Variants in PPP1R26 observed in about 807,000 individuals in gnomAD.
PPP1R26 encodes protein phosphatase 1 regulatory subunit 26.
In PPP1R26, 22 loss-of-function variants were observed where a neutral mutation model predicts 67.6. That is an observed-to-expected ratio of 0.33 (90% CI 0.23 to 0.46). The LOEUF is 0.46. PPP1R26 is among the 20% of genes least tolerant of loss of function. The pLI is 1.00. For missense variants in PPP1R26, 1,602 were observed against 1,651.4 expected (o/e 0.97, Z 0.52); for synonymous variants, 729 against 717.2 (o/e 1.02, Z -0.26).
At position 135,486,886 on chromosome 9, in the gene PPP1R26, G is replaced by A. The variant is rs773409098; in HGVS notation, c.2376G>A (p.Leu792=). 1 of 1,612,628 alleles carries A rather than the reference G, an allele frequency of 6.2e-7. No individual in the cohort carries two copies. Among genetic ancestry groups the A allele is most frequent in the Non-Finnish European group, 8.5e-7 (1 of 1,179,862 alleles). ...QEGAASQDAA[L]AFRVRRPASA... ...GTGCCGCGAGCCAGGACGCGGCCCT[G>A]GCCTTCCGGGTGAGGAGACCCGCCT... Residue 792 remains leucine, a synonymous_variant, in exon 4 of 4, where the codon CTG becomes CTA. Coordinates refer to ENST00000356818, the MANE Select transcript of PPP1R26 (RefSeq NM_014811.5). This position sits in a 1 kb window ranked among gnomAD's most constrained non-coding sequence, Gnocchi z 6.2.
Position 135,487,909 on chromosome 9 carries a change from A to G in PPP1R26, c.3399A>G (p.Pro1133=). The part of the protein sequence containing the change: ...QAGPSPVFGS[P]HLLAKKDGGP... ...GACCCAGCCCTGTCTTTGGAAGCCC[A>G]CACTTGCTGGCAAAGAAGGACGGCG... Residue 1133 remains proline (P), a synonymous_variant, in exon 4 of 4, where the codon CCA becomes CCG. Transcript: ENST00000356818. 6.3e-7 allele frequency: 1 copy of G among 1,575,574 alleles called. No individual in the cohort carries two copies. The highest frequency in any genetic ancestry group is 8.6e-7 in the Non-Finnish European group (1 of 1,161,984).
At chr9:135,480,845 G>C (rs1751382863) in intron 1 of PPP1R26, 1 of 152,504 alleles carries the variant, frequency 6.6e-6, no homozygotes, top group Non-Finnish European at 1.5e-5. Flanking sequence ...CCTGCACCGG[G>C]GCTCCTCTCC....
Position 135,484,966 on chromosome 9 carries a change from C to A in PPP1R26, c.456C>A (p.Ala152=), listed in dbSNP as rs1289732839. The A allele has an allele frequency of 6.3e-7, 1 of 1,577,874 alleles. No homozygotes were observed. Among genetic ancestry groups the A allele is most frequent in the East Asian group, 2.2e-5 (1 of 44,542 alleles). Residue 152 remains alanine (A), a synonymous_variant, in exon 4 of 4, where the codon GCC becomes GCA. Coordinates refer to ENST00000356818, the MANE Select transcript of PPP1R26 (RefSeq NM_014811.5). The part of the protein sequence containing the change: ...KAKSGAAQPG[A]GGAQPGAAQP... ...AGAGTGGAGCCGCACAGCCCGGGGC[C>A]GGCGGGGCCCAGCCAGGTGCAGCCC...
rs778889304 is a variant in PPP1R26, at chr9:135,487,916, C to A, written c.3406C>A (p.Leu1136Met). ...PSPVFGSPHL[L>M]AKKDGGPWPT... Reference sequence around the variant, plus strand: ...CCCTGTCTTTGGAAGCCCACACTTGCTGGCAAAGAAGGACGGCGGCCCCTG... The same window carrying A: ...CCCTGTCTTTGGAAGCCCACACTTGATGGCAAAGAAGGACGGCGGCCCCTG... The change falls in exon 4 of 4, where the codon CTG becomes ATG. Residue 1136 changes from leucine to methionine, a missense_variant. Leu to Met is a conservative substitution (Grantham distance 15). This residue lies in a region of PPP1R26 where 740 missense variants were observed against 696.3 expected (regional missense o/e 1.06). Transcript: ENST00000356818. The A allele has an allele frequency of 6.3e-7, 1 of 1,575,968 alleles. No individual in the cohort carries two copies. The highest frequency in any genetic ancestry group is 8.6e-7 in the Non-Finnish European group (1 of 1,162,088).
rs139225850 is a variant in PPP1R26, at chr9:135,484,603, C to T, written c.93C>T (p.Phe31=). Residue 31 remains phenylalanine (F), a synonymous_variant, in exon 4 of 4, where the codon TTC becomes TTT. Transcript: ENST00000356818. The stretch of plus-strand genomic sequence containing the variant: ...GGAGCTGTAGGTTCCCCAGGTGCTT[C>T]TCGGAGGCTGACGAGGGCGTGGAGA... ...PPGSCRFPRC[F]SEADEGVESA... is the part of the protein sequence containing the mutation. 6.2e-7 allele frequency: 1 copy of T among 1,612,616 alleles called. No individual in the cohort carries two copies. The highest frequency in any genetic ancestry group is 8.5e-7 in the Non-Finnish European group (1 of 1,180,030).
chr9:135,484,966 C>T lies in PPP1R26; in HGVS notation c.456C>T (p.Ala152=), dbSNP rs1289732839. The T allele has an allele frequency of 6.3e-6, 10 of 1,577,756 alleles. No individual in the cohort carries two copies. The highest frequency in any genetic ancestry group is 1.4e-5 in the African/African-American group (1 of 74,060). The stretch of plus-strand genomic sequence containing the variant: ...AGAGTGGAGCCGCACAGCCCGGGGC[C>T]GGCGGGGCCCAGCCAGGTGCAGCCC... ...KAKSGAAQPG[A]GGAQPGAAQP... Residue 152 remains alanine (A), a synonymous_variant, in exon 4 of 4, where the codon GCC becomes GCT. Coordinates refer to ENST00000356818, the MANE Select transcript of PPP1R26 (RefSeq NM_014811.5).
Position 135,485,782 on chromosome 9 carries a change from C to A in PPP1R26, c.1272C>A (p.Ser424Arg). The change falls in exon 4 of 4, where the codon AGC becomes AGA. Residue 424 changes from serine (S) to arginine (R), a missense_variant. By Grantham distance (110) the Ser-to-Arg change is moderately radical. Around this residue, in one of 5 missense-constraint regions of PPP1R26, gnomAD observed 680 missense variants for 726.1 expected, o/e 0.94. Coordinates refer to ENST00000356818, the MANE Select transcript of PPP1R26 (RefSeq NM_014811.5). The surrounding 1 kb of genome is among the most constrained non-coding windows in gnomAD (Gnocchi z 7.2). ...ALPETHRKTP[S>R]KKKLVATKTM... is the part of the protein sequence containing the mutation. ...CCGAGACCCACAGGAAAACACCCAG[C>A]AAGAAGAAGCTAGTGGCCACCAAGA... 1.2e-6 allele frequency: 2 copies of A among 1,612,368 alleles called. No individual in the cohort carries two copies. The highest frequency in any genetic ancestry group is 8.5e-7 in the Non-Finnish European group (1 of 1,180,016).
rs1197300036 is a variant in PPP1R26 at position 135,486,392 on chromosome 9, G to A, written c.1882G>A (p.Ala628Thr). The stretch of plus-strand genomic sequence containing the variant: ...GGATGCCGACCACAGCCAGGGGAGA[G>A]CTGAGCCCGGCCATGAGAGGCGAGA... ...SQDADHSQGR[A>T]EPGHERRDLP... Residue 628 changes from alanine to threonine, a missense_variant, in exon 4 of 4, where the codon GCT becomes ACT. Around this residue, in one of 5 missense-constraint regions of PPP1R26, gnomAD observed 680 missense variants for 726.1 expected, o/e 0.94. Transcript: ENST00000356818. This position sits in a 1 kb window ranked among gnomAD's most constrained non-coding sequence, Gnocchi z 6.2. 6.2e-7 allele frequency: 1 copy of A among 1,613,224 alleles called. No individual in the cohort carries two copies. Among genetic ancestry groups the A allele is most frequent in the Non-Finnish European group, 8.5e-7 (1 of 1,179,932 alleles).
Position 135,484,991 on chromosome 9 carries a change from C to A in PPP1R26, c.481C>A (p.Gln161Lys). Residue 161 changes from glutamine (Q) to lysine (K), a missense_variant, in exon 4 of 4, where the codon CAG becomes AAG. Coordinates refer to ENST00000356818, the MANE Select transcript of PPP1R26 (RefSeq NM_014811.5). Reference protein sequence around the residue: ...GAGGAQPGAAQPSRAAGGGSR... With the variant: ...GAGGAQPGAAKPSRAAGGGSR... ...CGGCGGGGCCCAGCCAGGTGCAGCCCAGCCTTCCAGGGCCGCAGGCGGAGG... is the reference window on the plus strand; with the variant it reads ...CGGCGGGGCCCAGCCAGGTGCAGCCAAGCCTTCCAGGGCCGCAGGCGGAGG... 1 of 1,583,900 alleles carries A rather than the reference C, an allele frequency of 6.3e-7. No homozygotes were observed. Among genetic ancestry groups the A allele is most frequent in the South Asian group, 1.2e-5 (1 of 85,876 alleles).
chr9:135,483,284 C>A (rs1830590450), intron 2 of PPP1R26: 1 of 152,396 alleles, frequency 6.6e-6, no homozygotes, highest in Admixed American at 6.5e-5. Flanking sequence ...AGCCACCACA[C>A]CTGGCCACAG....
chr9:135,481,767 C>T (rs1051048554), intron 1 of PPP1R26, among the ~76,000 whole-genome samples: 7 of 151,236 alleles, frequency 4.6e-5, no homozygotes, highest in African/African-American at 7.3e-5. Context: ...TACGGGCACA[C>T]GCCACCACGC....
chr9:135,485,805 A>C lies in PPP1R26; in HGVS notation c.1295A>C (p.Lys432Thr), dbSNP rs1227640934. ...TPSKKKLVAT[K>T]TMDPGPGGLD... ...AGCAAGAAGAAGCTAGTGGCCACCA[A>C]GACCATGGACCCTGGTCCAGGGGGC... Residue 432 changes from lysine (K) to threonine (T), a missense_variant, in exon 4 of 4, where the codon AAG becomes ACG. Lys to Thr is a moderately conservative substitution (Grantham distance 78). Coordinates refer to ENST00000356818, the MANE Select transcript of PPP1R26 (RefSeq NM_014811.5). The surrounding 1 kb of genome is among the most constrained non-coding windows in gnomAD (Gnocchi z 7.2). 1 of 1,612,804 alleles carries C rather than the reference A, an allele frequency of 6.2e-7. No homozygotes were observed. Among genetic ancestry groups the C allele is most frequent in the Non-Finnish European group, 8.5e-7 (1 of 1,180,004 alleles).
rs3827828 is a variant in PPP1R26 at position 135,488,488 on chromosome 9, T to C, written c.*348T>C. 0.084 allele frequency: 15,629 copies of C among 186,820 alleles called. 1,615 individuals are homozygous for C. The highest frequency in any genetic ancestry group is 0.47 in the East Asian group (2,801 of 5,942). The allele number at this position is 186,820 out of a possible 1,614,324, so 11.6% of individuals were successfully genotyped here. On this transcript the variant is annotated 3_prime_UTR_variant, in exon 4 of 4. Transcript: ENST00000356818. ...CCATCACAGCCAGGTTCACAGAGGC[T>C]CTGATGCTTTTTGGTTGATTGCTGG...
At position 135,486,518 on chromosome 9, in the gene PPP1R26, G is replaced by A. The variant is rs1357754211; in HGVS notation, c.2008G>A (p.Glu670Lys). ...GTCACAGGGCCAGGGTAAGACAGAC[G>A]AGGCAAGGCGCCTAGACGAGAAAGA... ...RMSQGQGKTD[E>K]ARRLDEKESS... The change falls in exon 4 of 4, where the codon GAG (glutamate) becomes AAG (lysine). Residue 670 changes from glutamate to lysine, a missense_variant. Glu to Lys is a moderately conservative substitution (Grantham distance 56). Around this residue, in one of 5 missense-constraint regions of PPP1R26, gnomAD observed 680 missense variants for 726.1 expected, o/e 0.94. Transcript: ENST00000356818. The surrounding 1 kb of genome is among the most constrained non-coding windows in gnomAD (Gnocchi z 6.2). 8 of 1,612,586 alleles carry A rather than the reference G, an allele frequency of 5.0e-6. No individual in the cohort carries two copies. Among genetic ancestry groups the A allele is most frequent in the Middle Eastern group, 1.8e-4 (1 of 5,438 alleles).
chr9:135,480,935 G>A (rs912244107), intron 1 of PPP1R26, among the ~76,000 whole-genome samples: 1 of 152,144 alleles, frequency 6.6e-6, no homozygotes, highest in Non-Finnish European at 1.5e-5. Context: ...GCTGCTTTTC[G>A]GCCAACCGAG....
chr9:135,485,997 C>T lies in PPP1R26; in HGVS notation c.1487C>T (p.Pro496Leu), dbSNP rs746278117. ...CTGGACATCTCCAAGACGATCCTGC[C>T]GGCCCCTGTAGAGGGCAGTGACGGG... ...AILDISKTIL[P>L]APVEGSDGSL... Residue 496 changes from proline (P) to leucine (L), a missense_variant, in exon 4 of 4, where the codon CCG (proline) becomes CTG (leucine). Coordinates refer to ENST00000356818, the MANE Select transcript of PPP1R26 (RefSeq NM_014811.5). The surrounding 1 kb of genome is among the most constrained non-coding windows in gnomAD (Gnocchi z 7.2). The T allele has an allele frequency of 6.8e-6, 11 of 1,613,104 alleles. No individual in the cohort carries two copies. The highest frequency in any genetic ancestry group is 1.6e-4 in the Middle Eastern group (1 of 6,080).
Position 135,486,033 on chromosome 9 carries a change from C to A in PPP1R26, c.1523C>A (p.Ala508Glu), listed in dbSNP as rs1830714577. ...GAGGGCAGTGACGGGTCCCTGTCCG[C>A]AAGCCCACTCTTCTACTCCCCGAAC... Reference protein sequence around the residue: ...PVEGSDGSLSASPLFYSPNVP... With the variant: ...PVEGSDGSLSESPLFYSPNVP... Residue 508 changes from alanine to glutamate, a missense_variant, in exon 4 of 4, where the codon GCA becomes GAA. Physicochemically the swap from Ala to Glu is moderately radical, Grantham distance 107. Transcript: ENST00000356818. This position sits in a 1 kb window ranked among gnomAD's most constrained non-coding sequence, Gnocchi z 6.2. 6.2e-7 allele frequency: 1 copy of A among 1,613,102 alleles called. No individual in the cohort carries two copies. Among genetic ancestry groups the A allele is most frequent in the Non-Finnish European group, 8.5e-7 (1 of 1,180,054 alleles).
intron 1 of PPP1R26, among the ~76,000 whole-genome samples, chr9:135,481,752 G>A (rs1165925479): frequency 6.6e-6 from 1 of 151,890 alleles, no homozygotes; most frequent in African/African-American, 2.4e-5. Flanking sequence ...CCCAGTAGCT[G>A]GGATTACGGG....
rs1830739433 is a variant in PPP1R26, at chr9:135,486,542, G to C, written c.2032G>C (p.Glu678Gln). 9 of 1,612,378 alleles carry C rather than the reference G, an allele frequency of 5.6e-6. No homozygotes were observed. In the Middle Eastern group the frequency reaches 8.0e-4, roughly 143 times the overall value. Reference protein sequence around the residue: ...TDEARRLDEKESSEDKSSSLD... With the variant: ...TDEARRLDEKQSSEDKSSSLD... ...CGAGGCAAGGCGCCTAGACGAGAAA[G>C]AGAGCTCTGAAGACAAAAGCAGCTC... Residue 678 changes from glutamate (E) to glutamine (Q), a missense_variant, in exon 4 of 4, where the codon GAG (glutamate) becomes CAG (glutamine). Coordinates refer to ENST00000356818, the MANE Select transcript of PPP1R26 (RefSeq NM_014811.5). The surrounding 1 kb of genome is among the most constrained non-coding windows in gnomAD (Gnocchi z 6.2).
Sources: gnomAD v4.1 joint callset for allele counts (sites outside exome capture counted in the v4.1 genomes callset) on GRCh38, gnomAD v4.1.1 for gene constraint, gnomAD v4.1.1 regional missense constraint, Gnocchi (gnomAD v3.1) non-coding constraint, MANE v1.5 for transcripts, NCBI Gene and HGNC (gene_info 2026-07-23, HGNC 2026-07-21) for gene names.